Variants in TNFAIP8 observed in about 807,000 individuals in gnomAD.
TNFAIP8 encodes the protein tumor necrosis factor alpha-induced protein 8.
Under a neutral mutation model 13.3 loss-of-function variants are expected in TNFAIP8, and 7 were observed. The observed-to-expected ratio is 0.52, with a 90% CI of 0.30 to 0.99. The LOEUF is 0.99. TNFAIP8 is among the 50% of genes least tolerant of loss of function. The probability of loss-of-function intolerance (pLI) is 0.07; values close to 1 mark genes in which losing one functional copy is unlikely to be tolerated. For missense variants in TNFAIP8, 258 were observed against 236.9 expected (o/e 1.09, Z -0.58); for synonymous variants, 94 against 87.6 (o/e 1.07, Z -0.41).
At chr5:119,372,147 A>C (rs370396024) in intron 1 of TNFAIP8, among the ~76,000 whole-genome samples, 6 of 151,734 alleles carry the variant, frequency 4.0e-5, no homozygotes, top group African/African-American at 1.4e-4. Context: ...AAAAAAAAAA[A>C]AAACCCATCT....
intron 1 of TNFAIP8, among the ~76,000 whole-genome samples, chr5:119,321,823 C>G (rs890798752): frequency 2.6e-5 from 4 of 152,156 alleles, no homozygotes; most frequent in Non-Finnish European, 5.9e-5. Context: ...CTTGCTCCAA[C>G]CCCCCACGGC....
At chr5:119,302,528 G>C (rs144575161) in intron 1 of TNFAIP8, among the ~76,000 whole-genome samples, 28 of 152,228 alleles carry the variant, frequency 1.8e-4, no homozygotes, top group African/African-American at 5.8e-4. Context: ...TTTCTCTTGA[G>C]AATTGGCTCT....
At chr5:119,346,964 G>T (rs948258514) in intron 1 of TNFAIP8, among the ~76,000 whole-genome samples, 1 of 152,098 alleles carries the variant, frequency 6.6e-6, no homozygotes, top group African/African-American at 2.4e-5. Flanking sequence ...AATTGTATGG[G>T]GTCAGTATTA....
chr5:119,382,762 C>G (rs535592055), intron 1 of TNFAIP8, among the ~76,000 whole-genome samples: 44 of 152,352 alleles, frequency 2.9e-4, no homozygotes, highest in Admixed American at 1.7e-3. Flanking sequence ...CTGACCCAGT[C>G]TGACTCTAGA....
intron 1 of TNFAIP8, among the ~76,000 whole-genome samples, chr5:119,297,975 C>T (rs1281476777): frequency 6.6e-6 from 1 of 152,064 alleles, no homozygotes. Flanking sequence ...CTTCCTCCAT[C>T]CTTTTATTTT....
chr5:119,299,826 C>T (rs1053757683), intron 1 of TNFAIP8, among the ~76,000 whole-genome samples: 1 of 152,342 alleles, frequency 6.6e-6, no homozygotes, highest in South Asian at 2.1e-4. Context: ...GGCGCCCTTC[C>T]CCCAGCCTCG....
At chr5:119,312,582 A>T (rs1037109322) in intron 1 of TNFAIP8, among the ~76,000 whole-genome samples, 1 of 151,898 alleles carries the variant, frequency 6.6e-6, no homozygotes, top group African/African-American at 2.4e-5. Context: ...TAAAGGGAAG[A>T]GTGTGAACTT....
At chr5:119,377,534 T>G (rs1416311611) in intron 1 of TNFAIP8, among the ~76,000 whole-genome samples, 1 of 152,204 alleles carries the variant, frequency 6.6e-6, no homozygotes, top group African/African-American at 2.4e-5. Context: ...AAGTTCAGTT[T>G]TCTCCTGGGA....
intron 1 of TNFAIP8, among the ~76,000 whole-genome samples, chr5:119,358,992 T>C (rs1751538779): frequency 6.6e-6 from 1 of 152,168 alleles, no homozygotes; most frequent in Non-Finnish European, 1.5e-5. Flanking sequence ...GTTCTTACTC[T>C]CATGCCTCAC....
chr5:119,309,233 G>A (rs1749657789), intron 1 of TNFAIP8, among the ~76,000 whole-genome samples: 1 of 152,206 alleles, frequency 6.6e-6, no homozygotes, highest in Admixed American at 6.5e-5. Context: ...GTGCCAAGAT[G>A]AAATGTGGTC....
intron 1 of TNFAIP8, among the ~76,000 whole-genome samples, chr5:119,341,843 G>C (rs557468485): frequency 6.6e-5 from 10 of 152,138 alleles, no homozygotes; most frequent in Non-Finnish European, 1.5e-4. Context: ...CTAATCATTT[G>C]AAACTCTCAC....
Position 119,399,035 on chromosome 5 carries a change from G to C in TNFAIP8, c.*5654G>C, listed in dbSNP as rs1474171616. On this transcript the variant is annotated 3_prime_UTR_variant, in exon 2 of 2. Transcript: ENST00000504771. ...CTGGAAGAGGACTTGCTGATAATTG[G>C]ATCAAAGTTCCAGCATTATTGCTCT... The C allele has an allele frequency of 6.6e-6, 1 of 152,200 alleles. No individual in the cohort carries two copies. The highest frequency in any genetic ancestry group is 1.9e-4 in the East Asian group (1 of 5,206). The allele number at this position is 152,200 out of a possible 1,614,324, so 9.4% of individuals were successfully genotyped here.
intron 1 of TNFAIP8, chr5:119,333,709 C>T (rs1284399684): frequency 2.7e-6 from 3 of 1,127,070 alleles, no homozygotes; most frequent in Non-Finnish European, 3.9e-6. Flanking sequence ...AGATGACTAA[C>T]ATAGTATTGC....
At chr5:119,299,456 G>T (rs181587188) in intron 1 of TNFAIP8, among the ~76,000 whole-genome samples, 10 of 152,084 alleles carry the variant, frequency 6.6e-5, no homozygotes, top group South Asian at 2.1e-4. Flanking sequence ...CTGTCTGATC[G>T]TTCCTCTGGA....
At chr5:119,308,581 C>G (rs760937125) in intron 1 of TNFAIP8, among the ~76,000 whole-genome samples, 2 of 152,008 alleles carry the variant, frequency 1.3e-5, no homozygotes, top group African/African-American at 4.8e-5. Flanking sequence ...TAAGACCATT[C>G]TAGGCTGGGC....
At chr5:119,355,806 G>A (rs1331430878), upstream of TNFAIP8, 6 of 640,908 alleles carry the variant, frequency 9.4e-6, no homozygotes, top group African/African-American at 7.9e-5. Context: ...CGCCCGGGCC[G>A]AGCCAGCCCC....
upstream of TNFAIP8, chr5:119,356,003 G>T: frequency 6.5e-7 from 1 of 1,529,860 alleles, no homozygotes; most frequent in Non-Finnish European, 8.8e-7. Context: ...ATTTTCCGTC[G>T]TGTGCGGATT....
At chr5:119,359,088 C>A (rs1419838019) in intron 1 of TNFAIP8, among the ~76,000 whole-genome samples, 1 of 152,202 alleles carries the variant, frequency 6.6e-6, no homozygotes, top group East Asian at 1.9e-4. Flanking sequence ...TCATCTCCGT[C>A]CACATCTATC....
intron 1 of TNFAIP8, among the ~76,000 whole-genome samples, chr5:119,377,360 G>A (rs191057511): frequency 6.6e-6 from 1 of 151,956 alleles, no homozygotes; most frequent in Non-Finnish European, 1.5e-5. Context: ...CTCCAGCCTG[G>A]GCAACAGAGT....
Sources: gnomAD v4.1 joint callset for allele counts (sites outside exome capture counted in the v4.1 genomes callset) on GRCh38, gnomAD v4.1.1 for gene constraint, MANE v1.5 for transcripts, NCBI Gene and HGNC (gene_info 2026-07-23, HGNC 2026-07-21) for gene names.